Variants in RABGEF1 observed in about 807,000 individuals in gnomAD.
RABGEF1 encodes RAB guanine nucleotide exchange factor 1.
Under a neutral mutation model 57.3 loss-of-function variants are expected in RABGEF1, and 26 were observed. The observed-to-expected ratio is 0.45, with a 90% confidence interval of 0.33 to 0.63. RABGEF1 has a LOEUF of 0.63. RABGEF1 is among the 20% of genes least tolerant of loss of function. The pLI is 0.02. For missense variants in RABGEF1, 464 were observed against 607.6 expected, an observed-to-expected ratio of 0.76 and a Z score of 2.48; for synonymous variants, 185 against 210.7, an observed-to-expected ratio of 0.88 and a Z score of 1.06.
At chr7:66,659,649 A>T in the RABGEF1 span, among the ~76,000 whole-genome samples, 1 of 150,852 alleles carries the variant, frequency 6.6e-6, no homozygotes, top group Non-Finnish European at 1.5e-5. Flanking sequence ...TTGTGGTGTT[A>T]CCCTCCTGTG....
chr7:66,696,162 C>T (rs1792299739), intron 1 of RABGEF1, among the ~76,000 whole-genome samples: 1 of 152,044 alleles, frequency 6.6e-6, no homozygotes, highest in Admixed American at 6.6e-5. Context: ...AACTCCTGGG[C>T]TCAAGCTATC....
At chr7:66,683,481 T>G (rs1435094514) in intron 1 of RABGEF1, among the ~76,000 whole-genome samples, 9 of 152,210 alleles carry the variant, frequency 5.9e-5, no homozygotes, top group Admixed American at 3.3e-4. Flanking sequence ...TCTCTAGAAG[T>G]TAGCCAGTTG....
intron 2 of RABGEF1, among the ~76,000 whole-genome samples, chr7:66,712,597 A>T (rs1224654647): frequency 1.3e-5 from 2 of 152,010 alleles, no homozygotes; most frequent in South Asian, 2.1e-4. Context: ...CAGCCTCCTG[A>T]GTAGCTGAGA....
intron 2 of RABGEF1, among the ~76,000 whole-genome samples, chr7:66,726,851 A>C (rs1796639744): frequency 6.6e-6 from 1 of 152,058 alleles, no homozygotes; most frequent in Non-Finnish European, 1.5e-5. Context: ...TAAAAATACA[A>C]AAATTAGCTG....
chr7:66,741,227 G>A (rs1798869480), intron 1 of RABGEF1, among the ~76,000 whole-genome samples: 3 of 152,202 alleles, frequency 2.0e-5, no homozygotes, highest in Admixed American at 6.5e-5. Context: ...CGCTGGTATG[G>A]GACGCTCGGA....
intron 8 of RABGEF1, among the ~76,000 whole-genome samples, chr7:66,808,550 T>C (rs1307061229): frequency 6.6e-6 from 1 of 152,112 alleles, no homozygotes; most frequent in Non-Finnish European, 1.5e-5. Flanking sequence ...GTTAAAATAT[T>C]CATTTGAGGA....
intron 7 of RABGEF1, among the ~76,000 whole-genome samples, chr7:66,803,778 A>G (rs1445638077): frequency 4.6e-5 from 7 of 151,764 alleles, no homozygotes; most frequent in Non-Finnish European, 1.5e-5. Flanking sequence ...AGTCCCAGCT[A>G]CTCAGGAGGC....
chr7:66,724,571 G>A (rs1338303426), intron 2 of RABGEF1, among the ~76,000 whole-genome samples: 1 of 152,074 alleles, frequency 6.6e-6, no homozygotes, highest in Non-Finnish European at 1.5e-5. Flanking sequence ...TGTTGGTCAG[G>A]CTGGTCTTGA....
chr7:66,794,207 ATTTT>A (rs1174835014), intron 4 of RABGEF1, among the ~76,000 whole-genome samples: 2 of 91,084 alleles, frequency 2.2e-5, no homozygotes, highest in Admixed American at 1.1e-4. Flanking sequence ...TCCATGTTTA[ATTTT>A]TTTTTTTTTT....
At chr7:66,759,442 A>G (rs1803660080) in intron 1 of RABGEF1, among the ~76,000 whole-genome samples, 1 of 152,174 alleles carries the variant, frequency 6.6e-6, no homozygotes, top group Admixed American at 6.5e-5. Context: ...GCTCATGTAC[A>G]CCTCAGAATC....
At chr7:66,695,945 A>T (rs1285216931) in intron 1 of RABGEF1, among the ~76,000 whole-genome samples, 1 of 148,716 alleles carries the variant, frequency 6.7e-6, no homozygotes, top group Non-Finnish European at 1.5e-5. Flanking sequence ...CAGCGTGGGT[A>T]ACAAAGCGAG....
chr7:66,766,817 C>G (rs1411709007), intron 1 of RABGEF1, among the ~76,000 whole-genome samples: 1 of 151,838 alleles, frequency 6.6e-6, no homozygotes, highest in Non-Finnish European at 1.5e-5. Flanking sequence ...CTCTGCCTCC[C>G]AGGTCCAAGC....
intron 1 of RABGEF1, among the ~76,000 whole-genome samples, chr7:66,703,492 G>T (rs1193824072): frequency 6.6e-6 from 1 of 152,142 alleles, no homozygotes; most frequent in Admixed American, 6.5e-5. Context: ...TGGGGTAAAG[G>T]TCTAACTTTA....
chr7:66,744,077 A>G (rs1482613979), intron 1 of RABGEF1, among the ~76,000 whole-genome samples: 1 of 142,742 alleles, frequency 7.0e-6, no homozygotes, highest in Non-Finnish European at 1.5e-5. Flanking sequence ...TTGATCTGTG[A>G]CTGGGCTGGA....
intron 7 of RABGEF1, 84 bp from the exon 8 acceptor site, chr7:66,805,056 C>T: frequency 6.9e-7 from 1 of 1,439,980 alleles, no homozygotes. Flanking sequence ...TCCTTCATAA[C>T]TTTAGAGATA....
chr7:66,695,896 T>A (rs1423209836), intron 1 of RABGEF1, among the ~76,000 whole-genome samples: 1 of 150,972 alleles, frequency 6.6e-6, no homozygotes, highest in East Asian at 1.9e-4. Context: ...CATCTGGGAG[T>A]CGGAGGTTGC....
intron 2 of RABGEF1, among the ~76,000 whole-genome samples, chr7:66,715,521 A>G (rs1795289390): frequency 6.6e-6 from 1 of 152,112 alleles, no homozygotes; most frequent in African/African-American, 2.4e-5. Flanking sequence ...TTTCATTTTC[A>G]TTCAAATTAA....
intron 1 of RABGEF1, among the ~76,000 whole-genome samples, chr7:66,682,662 G>T (rs1243465353): frequency 6.6e-6 from 1 of 152,134 alleles, no homozygotes; most frequent in Non-Finnish European, 1.5e-5. Context: ...TCCCCGGAAC[G>T]CGCCGGGATG....
intron 4 of RABGEF1, among the ~76,000 whole-genome samples, chr7:66,795,256 G>C (rs546958438): frequency 6.6e-6 from 1 of 152,142 alleles, no homozygotes; most frequent in Non-Finnish European, 1.5e-5. Flanking sequence ...AACCGCCTGC[G>C]AGCCTAAATT....
Sources: allele counts gnomAD v4.1 joint callset (sites outside exome capture counted in the v4.1 genomes callset), GRCh38; gene constraint gnomAD v4.1.1; transcripts MANE v1.5; gene names NCBI Gene and HGNC (gene_info 2026-07-23, HGNC 2026-07-21).